The following ALK variants were observed in gnomAD, a reference collection of about 807,000 sequenced individuals.
The protein encoded by ALK is ALK receptor tyrosine kinase.
In ALK, 74 loss-of-function variants were observed where a neutral mutation model predicts 163.1. That is an observed-to-expected ratio of 0.45 (90% confidence interval 0.38 to 0.55). The LOEUF is 0.55. Among genes scored for constraint, ALK ranks in the 20% least tolerant of loss-of-function variants. The pLI is 0.00. For synonymous variants in ALK, 960 were observed against 843.2 expected (o/e 1.14, Z -2.40); for missense variants, 2,063 against 2,105.3 (o/e 0.98, Z 0.39).
chr2:29,758,002 CCT>C (rs1190678359), intron 1 of ALK, among the ~76,000 whole-genome samples: 1 of 146,840 alleles, frequency 6.8e-6, no homozygotes, highest in Non-Finnish European at 1.5e-5. Context: ...TTACCCGCAT[CCT>C]CTTTTTTTTT....
At chr2:29,207,921 A>T (rs986530918) in intron 25 of ALK, 1 of 379,712 alleles carries the variant, frequency 2.6e-6, no homozygotes, top group East Asian at 7.6e-5. Context: ...TGTTAGGCCA[A>T]TTGCATGTCT....
chr2:29,863,077 T>C (rs865988727), intron 1 of ALK, among the ~76,000 whole-genome samples: 8 of 152,164 alleles, frequency 5.3e-5, no homozygotes, highest in African/African-American at 9.7e-5. Context: ...GAAGAATAAA[T>C]TGGATCTTTA....
intron 1 of ALK, among the ~76,000 whole-genome samples, chr2:29,760,976 G>T (rs910605168): frequency 6.6e-6 from 1 of 152,120 alleles, no homozygotes; most frequent in Admixed American, 6.5e-5. Flanking sequence ...AACTGCCTGG[G>T]GCTGTAGACT....
intron 4 of ALK, among the ~76,000 whole-genome samples, chr2:29,460,513 C>T (rs1415072991): frequency 6.6e-6 from 1 of 152,084 alleles, no homozygotes. Flanking sequence ...TCACTTGTCT[C>T]TGTGTCACAT....
intron 19 of ALK, 87 bp downstream of exon 19, chr2:29,225,374 C>G (rs1394373470): frequency 8.2e-7 from 1 of 1,219,886 alleles, no homozygotes; most frequent in South Asian, 1.3e-5. Context: ...AACGAAGTGA[C>G]ACCTTGGCAC....
At chr2:29,900,248 G>A (rs779346765) in intron 1 of ALK, among the ~76,000 whole-genome samples, 2 of 152,224 alleles carry the variant, frequency 1.3e-5, no homozygotes, top group Non-Finnish European at 2.9e-5. Context: ...AGAGAGTAGA[G>A]AATCTGCATG....
chr2:29,377,683 A>T (rs750210678), intron 5 of ALK, among the ~76,000 whole-genome samples: 1 of 152,188 alleles, frequency 6.6e-6, no homozygotes, highest in Non-Finnish European at 1.5e-5. Context: ...GCTCTAGAAA[A>T]GGTTTGAAGA....
chr2:29,266,887 A>G (rs904475972), intron 11 of ALK, among the ~76,000 whole-genome samples: 1 of 152,196 alleles, frequency 6.6e-6, no homozygotes, highest in African/African-American at 2.4e-5. Context: ...CGTCTCCAGC[A>G]TGGAGAAGCC....
chr2:29,339,088 C>G (rs1454744943), intron 5 of ALK, among the ~76,000 whole-genome samples: 1 of 152,054 alleles, frequency 6.6e-6, no homozygotes, highest in Non-Finnish European at 1.5e-5. Flanking sequence ...ACTAAAAATA[C>G]AATAATTAGC....
chr2:29,318,556 C>A (rs1666903723), intron 7 of ALK, 152 bp from the exon 8 acceptor site: 1 of 643,710 alleles, frequency 1.6e-6, no homozygotes, highest in Non-Finnish European at 2.8e-6. Flanking sequence ...GAAAGCCCAC[C>A]TGTCAACAAT....
intron 1 of ALK, among the ~76,000 whole-genome samples, chr2:29,728,961 T>C (rs1558462368): frequency 6.6e-6 from 1 of 152,136 alleles, no homozygotes. Context: ...TGCCTCCAGA[T>C]CAACCTAGAA....
At chr2:29,406,086 T>C (rs944259026) in intron 4 of ALK, among the ~76,000 whole-genome samples, 2 of 152,250 alleles carry the variant, frequency 1.3e-5, no homozygotes, top group Admixed American at 6.5e-5. Flanking sequence ...GATTGTATTA[T>C]AAGCAAAGCA....
intron 4 of ALK, among the ~76,000 whole-genome samples, chr2:29,435,483 G>T (rs552814707): frequency 4.6e-5 from 7 of 152,250 alleles, no homozygotes; most frequent in African/African-American, 1.7e-4. Context: ...CAGGTGCAAT[G>T]CCAGGTGCTT....
intron 4 of ALK, among the ~76,000 whole-genome samples, chr2:29,421,657 G>A (rs914840075): frequency 6.6e-6 from 1 of 151,462 alleles, no homozygotes; most frequent in Non-Finnish European, 1.5e-5. Flanking sequence ...CCAGATTAGA[G>A]ATGTGACTCC....
chr2:29,828,775 G>A (rs1053706958), intron 1 of ALK, among the ~76,000 whole-genome samples: 7 of 151,894 alleles, frequency 4.6e-5, no homozygotes, highest in Non-Finnish European at 1.0e-4. Context: ...CAGGGATCTA[G>A]AACTAGAAAT....
chr2:29,459,502 T>C (rs1025631935), intron 4 of ALK, among the ~76,000 whole-genome samples: 3 of 151,980 alleles, frequency 2.0e-5, no homozygotes, highest in Admixed American at 2.0e-4. Context: ...AAATCTTTGA[T>C]TGTTGCAAAC....
In ALK at chr2:29,640,999, C is replaced by T. The variant is rs747753209; in HGVS notation, c.952+53851G>A. Among the ~76,000 whole-genome samples, 12 of 151,982 alleles carry T rather than the reference C, an allele frequency of 7.9e-5. No homozygotes were observed. The South Asian group carries it at 2.1e-3, about 26-fold the overall frequency. On this transcript the variant is annotated intron_variant, in intron 3 of 28. Coordinates refer to ENST00000389048, the MANE Select transcript of ALK (RefSeq NM_004304.5). ...AGAATATTCCAGAAACTGGAGATGT[C>T]GGGACATTCCAGAAGCTGAAAACAG...
chr2:29,463,935 T>G (rs1671145653), intron 4 of ALK, among the ~76,000 whole-genome samples: 1 of 152,310 alleles, frequency 6.6e-6, no homozygotes, highest in East Asian at 1.9e-4. Context: ...GGTCATTCAG[T>G]AGAGCCCTCA....
At chr2:29,886,243 G>A (rs1666981762) in intron 1 of ALK, among the ~76,000 whole-genome samples, 2 of 152,124 alleles carry the variant, frequency 1.3e-5, no homozygotes, top group South Asian at 4.1e-4. Context: ...TATGTTATCA[G>A]TAAGACTTTC....
Sources: allele counts gnomAD v4.1 joint callset (sites outside exome capture counted in the v4.1 genomes callset), GRCh38; gene constraint gnomAD v4.1.1; transcripts MANE v1.5; gene names NCBI Gene and HGNC (gene_info 2026-07-23, HGNC 2026-07-21).